Variants in HDAC7 observed in about 807,000 individuals in gnomAD.
HDAC7 encodes histone deacetylase 7.
In HDAC7, 26 loss-of-function variants were observed where a neutral mutation model predicts 115.5. The ratio of observed to expected loss-of-function variants is 0.23; its 90% CI spans 0.16 to 0.31. The LOEUF is 0.31. HDAC7 is among the 10% of genes least tolerant of loss of function. The pLI, the probability that HDAC7 is intolerant of heterozygous loss-of-function variation, is 1.00. For synonymous variants in HDAC7, 564 were observed against 550.9 expected, an observed-to-expected ratio of 1.02 and a Z score of -0.33; for missense variants, 1,068 against 1,329.0, an observed-to-expected ratio of 0.80 and a Z score of 3.05.
chr12:47,807,456 A>G (rs1944453245), intron 1 of HDAC7, among the ~76,000 whole-genome samples: 1 of 152,100 alleles, frequency 6.6e-6, no homozygotes, highest in Middle Eastern at 3.2e-3. Context: ...GCAGTATTAG[A>G]TAACTTGTCT....
At chr12:47,819,212 C>G (rs1011606257) in intron 1 of HDAC7, 1 of 152,522 alleles carries the variant, frequency 6.6e-6, no homozygotes, top group African/African-American at 2.4e-5. Context: ...TCCAAGGGAC[C>G]TCTTTCCCCG....
At position 47,798,885 on chromosome 12, in the gene HDAC7, G is replaced by A; in HGVS notation, c.158C>T (p.Pro53Leu). 1.3e-6 allele frequency: 2 copies of A among 1,546,658 alleles called. No homozygotes were observed. The highest frequency in any genetic ancestry group is 1.7e-6 in the Non-Finnish European group (2 of 1,148,604). ...RVGQRPPVEP[P>L]PEPTLLALQR... The stretch of plus-strand genomic sequence containing the variant: ...CAGGGCCAGCAATGTGGGCTCTGGT[G>A]GGGGCTCCACTGGGGGCCGCTGGCC... Residue 53 changes from proline to leucine, a missense_variant, in exon 3 of 26, where the codon CCA (proline) becomes CTA (leucine). Transcript: ENST00000080059. This position sits in a 1 kb window ranked among gnomAD's most constrained non-coding sequence, Gnocchi z 4.3.
At position 47,789,561 on chromosome 12, in the gene HDAC7, C is replaced by T. The variant is rs1943368368; in HGVS notation, c.2109G>A (p.Val703=). 2 of 1,614,198 alleles carry T rather than the reference C, an allele frequency of 1.2e-6. No individual in the cohort carries two copies. The highest frequency in any genetic ancestry group is 1.7e-6 in the Non-Finnish European group (2 of 1,180,024). Residue 703 remains valine (V), a synonymous_variant, in exon 18 of 26, where the codon GTG becomes GTA. Transcript: ENST00000080059. The stretch of plus-strand genomic sequence containing the variant: ...GATCTGCATGGTGTCCTGGGGGCCG[C>T]ACCACAGCGAAACCATTCTGGAAAA... The part of the protein sequence containing the change: ...SRELKNGFAV[V]RPPGHHADHS...
At position 47,802,455 on chromosome 12, in the gene HDAC7, C is replaced by G. The variant is rs771074528; in HGVS notation, c.20-181G>C. On this transcript the variant is annotated intron_variant, in intron 1 of 25. Transcript: ENST00000080059. ...CCCCACCCCATTCGACTCCTCCAGT[C>G]CCCCTGCTGGTGAAAAGGGCTCCCA... 29 of 1,551,256 alleles carry G rather than the reference C, an allele frequency of 1.9e-5. No homozygotes were observed. In the South Asian group the frequency reaches 3.5e-4, roughly 18 times the overall value.
At chr12:47,799,506 C>G (rs1405823263) in intron 2 of HDAC7, among the ~76,000 whole-genome samples, 1 of 152,226 alleles carries the variant, frequency 6.6e-6, no homozygotes, top group East Asian at 1.9e-4. Flanking sequence ...ATGCTCTATC[C>G]CCAGTCATGA....
chr12:47,792,758 C>T (rs1943597800), intron 13 of HDAC7: 1 of 436,482 alleles, frequency 2.3e-6, no homozygotes, highest in Admixed American at 2.5e-5. Flanking sequence ...GATAAGGGAT[C>T]CCTCAGTAAA....
intron 1 of HDAC7, among the ~76,000 whole-genome samples, chr12:47,812,416 G>T (rs1368801318): frequency 1.3e-5 from 2 of 152,204 alleles, no homozygotes. Flanking sequence ...CATTAATAAT[G>T]ATGATGAATA....
chr12:47,798,689 A>T lies in HDAC7; in HGVS notation c.259-37T>A. On this transcript the variant is annotated intron_variant, in intron 3 of 25. Transcript: ENST00000080059. The surrounding 1 kb of genome is among the most constrained non-coding windows in gnomAD (Gnocchi z 4.3). The stretch of plus-strand genomic sequence containing the variant: ...GCCGGCAGCCCAGAAAGGGACAAGG[A>T]GTTGAGGACTGAGACTGGTGTCTAG... 1 of 1,593,456 alleles carries T rather than the reference A, an allele frequency of 6.3e-7. No homozygotes were observed. The highest frequency in any genetic ancestry group is 2.3e-5 in the East Asian group (1 of 43,750).
rs566816185 is a variant in HDAC7 at position 47,788,081 on chromosome 12, G to A, written c.2319C>T (p.Asp773=). ...VLYISLHRHD[D]GNFFPGSGAV... is the part of the protein sequence containing the mutation. The stretch of plus-strand genomic sequence containing the variant: ...CCCCACTCCCCGGGAAGAAGTTGCC[G>A]TCGTCATGGCGATGCAGGGAGATGT... Residue 773 remains aspartate (D), a synonymous_variant, in exon 20 of 26, where the codon GAC becomes GAT. Coordinates refer to ENST00000080059, the MANE Select transcript of HDAC7 (RefSeq NM_015401.5). 26 of 1,613,334 alleles carry A rather than the reference G, an allele frequency of 1.6e-5. No individual in the cohort carries two copies. Among genetic ancestry groups the A allele is most frequent in the South Asian group, 1.2e-4 (11 of 90,974 alleles).
chr12:47,784,827 T>C, intron 24 of HDAC7: 1 of 1,507,980 alleles, frequency 6.6e-7, no homozygotes, highest in Non-Finnish European at 8.9e-7. Flanking sequence ...GCCATGTCTT[T>C]ACCATTATGT....
At position 47,797,895 on chromosome 12, in the gene HDAC7, T is replaced by TGTGTGTGTGTGTGTGTGTGTGTGTGA. The variant is rs35753431; in HGVS notation, c.461+212_461+213insTCACACACACACACACACACACACAC. On this transcript the variant is annotated intron_variant, in intron 5 of 25. Coordinates refer to ENST00000080059, the MANE Select transcript of HDAC7 (RefSeq NM_015401.5). This position sits in a 1 kb window ranked among gnomAD's most constrained non-coding sequence, Gnocchi z 5.5. ...GTGTGTGTGTGTGTGTGTGTGTGTG[T>TGTGTGTGTGTGTGTGTGTGTGTGTGA]GAGAAGGGCTCAGGTGGGGTGGGGA... 2.1e-5 allele frequency among the ~76,000 whole-genome samples: 3 copies of TGTGTGTGTGTGTGTGTGTGTGTGTGA among 143,356 alleles called. No individual in the cohort carries two copies. Among genetic ancestry groups the TGTGTGTGTGTGTGTGTGTGTGTGTGA allele is most frequent in the African/African-American group, 8.2e-5 (3 of 36,396 alleles). The allele number at this position is 143,356 out of a possible 152,430, so 94.0% of individuals were successfully genotyped here. A position where few individuals can be genotyped will look rare whatever the true frequency, so the allele number is the denominator to read the frequency against.
At chr12:47,799,192 A>G in intron 2 of HDAC7, 1 of 490,734 alleles carries the variant, frequency 2.0e-6, no homozygotes, top group Non-Finnish European at 3.6e-6. Flanking sequence ...GCACAGTAAC[A>G]CTGTATCACT....
At chr12:47,802,092 C>T (rs1944192530) in intron 2 of HDAC7, 132 bp downstream of exon 2, 1 of 963,162 alleles carries the variant, frequency 1.0e-6, no homozygotes, top group Non-Finnish European at 1.6e-6. Context: ...CCTGGAGCCG[C>T]CACCTCCTGG....
At chr12:47,788,608 C>G (rs955309851) in intron 19 of HDAC7, 1 of 154,940 alleles carries the variant, frequency 6.5e-6, no homozygotes, top group Non-Finnish European at 1.4e-5. Context: ...GTAGGGAGAG[C>G]TGGGCCCTAC....
intron 1 of HDAC7, among the ~76,000 whole-genome samples, chr12:47,815,963 C>T (rs1184445536): frequency 6.7e-6 from 1 of 148,536 alleles, no homozygotes; most frequent in Admixed American, 6.8e-5. Context: ...GTGATCTTGG[C>T]TCACCGCAAC....
chr12:47,794,925 G>A lies in HDAC7; in HGVS notation c.1293C>T (p.Ala431=). Residue 431 remains alanine (A), a synonymous_variant, in exon 12 of 26, where the codon GCC becomes GCT. Transcript: ENST00000080059. ...KTHVQVIKRS[A]KPSEKPRLRQ... ...GCAGCCGGGGCTTCTCACTCGGCTTGGCTGACCTCTGGGGAGGGGAGAACC... is the reference window on the plus strand; with the variant it reads ...GCAGCCGGGGCTTCTCACTCGGCTTAGCTGACCTCTGGGGAGGGGAGAACC... 6.2e-7 allele frequency: 1 copy of A among 1,611,896 alleles called. No homozygotes were observed. The highest frequency in any genetic ancestry group is 8.5e-7 in the Non-Finnish European group (1 of 1,179,430).
chr12:47,785,702 C>T (rs375929630), intron 23 of HDAC7, 50 bp downstream of exon 23: 10 of 1,563,450 alleles, frequency 6.4e-6, no homozygotes, highest in African/African-American at 2.7e-5. Flanking sequence ...TCCTGAGAGC[C>T]GGGCTTACCT....
chr12:47,797,282 C>A lies in HDAC7; in HGVS notation c.577+102G>T. 1.3e-6 allele frequency: 2 copies of A among 1,518,168 alleles called. No individual in the cohort carries two copies. Among genetic ancestry groups the A allele is most frequent in the Non-Finnish European group, 9.1e-7 (1 of 1,103,328 alleles). 94.0% of individuals were successfully genotyped at this position (1,518,168 alleles called of 1,614,324 possible). A position where few individuals can be genotyped will look rare whatever the true frequency, so the allele number is the denominator to read the frequency against. Reference sequence around the variant, plus strand: ...GAAGATCCTAGCCTACCGATGATCTCCTGGCCCAGCCCAGCCCGCCCACCC... The same window carrying A: ...GAAGATCCTAGCCTACCGATGATCTACTGGCCCAGCCCAGCCCGCCCACCC... On this transcript the variant is annotated intron_variant, in intron 6 of 25. Coordinates refer to ENST00000080059, the MANE Select transcript of HDAC7 (RefSeq NM_015401.5). The surrounding 1 kb of genome is among the most constrained non-coding windows in gnomAD (Gnocchi z 5.5).
rs118126835 is a variant in HDAC7 at position 47,801,873 on chromosome 12, G to A, written c.70+351C>T. ...ACCTTGCAGAGCCGGTGTGAGGACC[G>A]AGTCCACACACAAGAACACACCTTG... is the stretch of plus-strand genomic sequence containing the variant. On this transcript the variant is annotated intron_variant, in intron 2 of 25. Coordinates refer to ENST00000080059, the MANE Select transcript of HDAC7 (RefSeq NM_015401.5). 5.9e-3 allele frequency among the ~76,000 whole-genome samples: 890 copies of A among 151,726 alleles called. 7 individuals carry two copies. The highest frequency in any genetic ancestry group is 0.01 in the Non-Finnish European group (695 of 67,826).
Sources: gnomAD v4.1 joint callset for allele counts (sites outside exome capture counted in the v4.1 genomes callset) on GRCh38, gnomAD v4.1.1 for gene constraint, Gnocchi (gnomAD v3.1) non-coding constraint, MANE v1.5 for transcripts, NCBI Gene and HGNC (gene_info 2026-07-23, HGNC 2026-07-21) for gene names.